CTNND2: variants seen among roughly 807,000 people sequenced by gnomAD.
CTNND2 encodes catenin delta 2.
CTNND2 carries 22 observed loss-of-function variants against 144.4 expected under a neutral mutation model. The ratio of observed to expected loss-of-function variants is 0.15; its 90% CI spans 0.11 to 0.22. The LOEUF is 0.22. Among genes scored for constraint, CTNND2 ranks in the 10% least tolerant of loss-of-function variants. The pLI is 1.00. For missense variants in CTNND2, 1,353 were observed against 1,618.8 expected, an observed-to-expected ratio of 0.84 and a Z score of 2.82; for synonymous variants, 751 against 695.6, an observed-to-expected ratio of 1.08 and a Z score of -1.25.
intron 9 of CTNND2, among the ~76,000 whole-genome samples, chr5:11,239,826 C>G (rs1467219151): frequency 6.6e-6 from 1 of 152,172 alleles, no homozygotes; most frequent in Non-Finnish European, 1.5e-5. Flanking sequence ...CTCCTACCCA[C>G]GCAATGCCCA....
chr5:11,185,525 A>T (rs1250894059), intron 11 of CTNND2, among the ~76,000 whole-genome samples: 1 of 152,210 alleles, frequency 6.6e-6, no homozygotes, highest in African/African-American at 2.4e-5. Flanking sequence ...CTTCACAGAG[A>T]TTCTTCTTCT....
intron 16 of CTNND2, among the ~76,000 whole-genome samples, chr5:11,060,684 C>T (rs993307831): frequency 1.3e-5 from 2 of 152,162 alleles, no homozygotes; most frequent in South Asian, 2.1e-4. Context: ...GTAAGAGGAA[C>T]TTAAAATGGC....
At chr5:11,135,835 T>C (rs1213738774) in intron 12 of CTNND2, among the ~76,000 whole-genome samples, 2 of 152,210 alleles carry the variant, frequency 1.3e-5, no homozygotes. Context: ...GTGGGTTACA[T>C]GAAGTTGCAA....
chr5:11,382,447 A>T (rs907120761), intron 7 of CTNND2, among the ~76,000 whole-genome samples: 1 of 152,078 alleles, frequency 6.6e-6, no homozygotes, highest in African/African-American at 2.4e-5. Flanking sequence ...AAATATACAA[A>T]AATTAGCCAG....
At chr5:11,358,333 T>C (rs1472726627) in intron 8 of CTNND2, among the ~76,000 whole-genome samples, 2 of 152,218 alleles carry the variant, frequency 1.3e-5, no homozygotes, top group African/African-American at 4.8e-5. Context: ...TATTTATACC[T>C]TTTTAAGTGA....
intron 1 of CTNND2, among the ~76,000 whole-genome samples, chr5:11,879,339 G>GTATATATATATATATATATATATATA (rs368634452): frequency 0.032 from 3,197 of 99,844 alleles, 270 homozygotes; most frequent in South Asian, 0.046. Context: ...AATTAAATGT[G>GTATATATATATATATATATATATATA]TGTATATATA....
chr5:11,258,503 C>G (rs1451842532), intron 9 of CTNND2, among the ~76,000 whole-genome samples: 1 of 152,248 alleles, frequency 6.6e-6, no homozygotes, highest in Non-Finnish European at 1.5e-5. Flanking sequence ...AAAAAGACTT[C>G]CATGCCCCTC....
intron 12 of CTNND2, among the ~76,000 whole-genome samples, chr5:11,149,061 G>A (rs1057034775): frequency 6.6e-6 from 1 of 152,226 alleles, no homozygotes; most frequent in African/African-American, 2.4e-5. Context: ...TGCACATTAA[G>A]GAGAAACGCT....
intron 2 of CTNND2, among the ~76,000 whole-genome samples, chr5:11,642,521 G>A (rs1345697394): frequency 1.3e-5 from 2 of 152,142 alleles, no homozygotes; most frequent in African/African-American, 2.4e-5. Flanking sequence ...GAAGGGCAAA[G>A]GCCCTGGCAA....
At chr5:11,048,079 G>C (rs1360894600) in intron 16 of CTNND2, among the ~76,000 whole-genome samples, 5 of 152,098 alleles carry the variant, frequency 3.3e-5, no homozygotes. Flanking sequence ...CAGCACAAGG[G>C]TCCATTCACT....
chr5:11,018,869 C>A (rs1266546435), intron 17 of CTNND2, among the ~76,000 whole-genome samples: 2 of 152,036 alleles, frequency 1.3e-5, no homozygotes, highest in East Asian at 3.9e-4. Context: ...TGCCACCATG[C>A]CCAGCTATTT....
At chr5:11,702,508 G>T (rs1241763019) in intron 2 of CTNND2, among the ~76,000 whole-genome samples, 1 of 152,086 alleles carries the variant, frequency 6.6e-6, no homozygotes, top group African/African-American at 2.4e-5. Flanking sequence ...GATCAGCTCT[G>T]CTTCTCTTTT....
intron 8 of CTNND2, among the ~76,000 whole-genome samples, chr5:11,362,438 T>C (rs541955802): frequency 2.0e-5 from 3 of 152,194 alleles, no homozygotes; most frequent in African/African-American, 7.2e-5. Context: ...GAATTAGGTA[T>C]AGACACAGGG....
chr5:11,053,025 G>C (rs1746001235), intron 16 of CTNND2, among the ~76,000 whole-genome samples: 1 of 152,104 alleles, frequency 6.6e-6, no homozygotes, highest in African/African-American at 2.4e-5. Flanking sequence ...GTCTCTTAAA[G>C]ATATGACTTA....
chr5:11,533,133 G>A (rs1411413554), intron 3 of CTNND2, among the ~76,000 whole-genome samples: 3 of 152,222 alleles, frequency 2.0e-5, no homozygotes, highest in Non-Finnish European at 4.4e-5. Context: ...GAGGAGTCAA[G>A]AGGAGCTCAC....
chr5:11,664,214 G>C (rs752978512), intron 2 of CTNND2, among the ~76,000 whole-genome samples: 6 of 152,094 alleles, frequency 3.9e-5, no homozygotes, highest in African/African-American at 1.4e-4. Context: ...GTTATCAATA[G>C]AACATTTTTT....
chr5:11,113,474 A>C (rs1753214077), intron 13 of CTNND2, among the ~76,000 whole-genome samples: 1 of 152,162 alleles, frequency 6.6e-6, no homozygotes, highest in Non-Finnish European at 1.5e-5. Flanking sequence ...CAACACCGGG[A>C]ATATTTATTC....
chr5:11,631,217 C>G (rs891458964), intron 2 of CTNND2, among the ~76,000 whole-genome samples: 8 of 152,078 alleles, frequency 5.3e-5, no homozygotes, highest in African/African-American at 1.9e-4. Flanking sequence ...ATTTAGGTCT[C>G]CAAAATATTG....
intron 2 of CTNND2, among the ~76,000 whole-genome samples, chr5:11,591,903 A>G (rs1395645598): frequency 2.6e-5 from 4 of 151,966 alleles, no homozygotes; most frequent in African/African-American, 9.7e-5. Context: ...TTGGTAACAG[A>G]TTGGGGAGGG....
Sources: gnomAD v4.1 joint callset for allele counts (sites outside exome capture counted in the v4.1 genomes callset) on GRCh38, gnomAD v4.1.1 for gene constraint, MANE v1.5 for transcripts, NCBI Gene and HGNC (gene_info 2026-07-23, HGNC 2026-07-21) for gene names.